The following ITPR1 variants were observed in gnomAD, a reference collection of about 807,000 sequenced individuals.
ITPR1 encodes inositol 1,4,5-trisphosphate receptor type 1, also known as inositol 1,4,5-trisphosphate-gated calcium channel ITPR1.
ITPR1 carries 96 observed loss-of-function variants against 318.4 expected under a neutral mutation model. That is an observed-to-expected ratio of 0.30 (90% CI 0.26 to 0.36). The LOEUF is 0.36. Ranked by LOEUF, ITPR1 falls within the 10% of genes least tolerant of loss-of-function variation. The pLI, the probability that ITPR1 is intolerant of heterozygous loss-of-function variation, is 1.00. For synonymous variants in ITPR1, 1,312 were observed against 1,289.9 expected (o/e 1.02, Z -0.37); for missense variants, 2,440 against 3,460.2 (o/e 0.71, Z 7.40).
intron 42 of ITPR1, among the ~76,000 whole-genome samples, 185 bp from the exon 43 acceptor site, chr3:4,732,903 A>G (rs1195977383): frequency 1.3e-5 from 2 of 152,238 alleles, no homozygotes; most frequent in East Asian, 1.9e-4. Context: ...TTTAAAAAAC[A>G]TCTGGTTTTC....
intron 33 of ITPR1, among the ~76,000 whole-genome samples, chr3:4,696,051 T>C (rs2094552802): frequency 6.6e-6 from 1 of 152,252 alleles, no homozygotes; most frequent in Non-Finnish European, 1.5e-5. Flanking sequence ...AGATCCTTTA[T>C]TATTTTTTTC....
intron 61 of ITPR1, among the ~76,000 whole-genome samples, chr3:4,841,929 T>A (rs1440753251): frequency 1.3e-5 from 2 of 152,214 alleles, no homozygotes; most frequent in Non-Finnish European, 2.9e-5. Context: ...CATGACTGAT[T>A]TTATAGGGCT....
At chr3:4,624,169 T>C (rs1286461064) in intron 4 of ITPR1, among the ~76,000 whole-genome samples, 1 of 152,226 alleles carries the variant, frequency 6.6e-6, no homozygotes, top group African/African-American at 2.4e-5. Flanking sequence ...CTTAGTGTCA[T>C]CATATGAAGC....
chr3:4,664,332 T>G (rs991950766), intron 16 of ITPR1, among the ~76,000 whole-genome samples: 4 of 152,146 alleles, frequency 2.6e-5, no homozygotes, highest in African/African-American at 9.7e-5. Context: ...CCAGAGTAGA[T>G]TAAATGCACA....
chr3:4,612,407 G>A (rs1484874315), intron 4 of ITPR1, among the ~76,000 whole-genome samples: 1 of 152,072 alleles, frequency 6.6e-6, no homozygotes, highest in Non-Finnish European at 1.5e-5. Context: ...GGAATCCAAG[G>A]GGTGTCCTGG....
At chr3:4,733,601 A>T (rs1375244157) in intron 43 of ITPR1, among the ~76,000 whole-genome samples, 2 of 152,322 alleles carry the variant, frequency 1.3e-5, no homozygotes, top group Non-Finnish European at 2.9e-5. Flanking sequence ...CATTTATTAT[A>T]CATTTACTGA....
intron 33 of ITPR1, among the ~76,000 whole-genome samples, chr3:4,695,451 A>C (rs368886055): frequency 2.0e-4 from 30 of 152,320 alleles, no homozygotes; most frequent in African/African-American, 7.0e-4. Flanking sequence ...TCAGTTGTAT[A>C]CTGCAAGAAC....
chr3:4,740,270 A>G (rs998173136), intron 44 of ITPR1, among the ~76,000 whole-genome samples: 1 of 152,104 alleles, frequency 6.6e-6, no homozygotes, highest in East Asian at 1.9e-4. Context: ...GGAAAGGGAG[A>G]CACCATTGTC....
chr3:4,565,282 G>C (rs2087110462), intron 4 of ITPR1, among the ~76,000 whole-genome samples: 1 of 152,162 alleles, frequency 6.6e-6, no homozygotes, highest in Admixed American at 6.5e-5. Flanking sequence ...CTTACTGCTA[G>C]AGTTGATAGA....
chr3:4,715,078 T>G (rs1287752896), intron 39 of ITPR1, among the ~76,000 whole-genome samples: 1 of 152,208 alleles, frequency 6.6e-6, no homozygotes, highest in Non-Finnish European at 1.5e-5. Flanking sequence ...CATTAACTAT[T>G]TTATACGCAA....
chr3:4,539,718 A>T (rs1197571766), intron 4 of ITPR1, among the ~76,000 whole-genome samples: 1 of 152,172 alleles, frequency 6.6e-6, no homozygotes, highest in Admixed American at 6.5e-5. Context: ...TTAATGAGTT[A>T]TCATGGAAAG....
chr3:4,780,184 G>A (rs2046736849), intron 49 of ITPR1, among the ~76,000 whole-genome samples: 1 of 152,128 alleles, frequency 6.6e-6, no homozygotes, highest in South Asian at 2.1e-4. Flanking sequence ...GAAGATTCAT[G>A]TCAAGCCCTA....
intron 12 of ITPR1, among the ~76,000 whole-genome samples, chr3:4,655,832 T>G (rs1424817165): frequency 6.6e-6 from 1 of 152,082 alleles, no homozygotes; most frequent in Non-Finnish European, 1.5e-5. Flanking sequence ...GAGGGGTGCA[T>G]GGAGAGGGGA....
chr3:4,754,794 T>C (rs2125352906), intron 44 of ITPR1, among the ~76,000 whole-genome samples: 1 of 152,330 alleles, frequency 6.6e-6, no homozygotes, highest in East Asian at 1.9e-4. Flanking sequence ...CACAGTCCCC[T>C]TCCACTTCAG....
At chr3:4,814,593 A>AC in intron 58 of ITPR1, 31 bp downstream of exon 58, 13 of 893,284 alleles carry the variant, frequency 1.5e-5, no homozygotes, top group African/African-American at 1.8e-5. Flanking sequence ...AGGAAGGGCA[A>AC]AGGGGGCGGG....
chr3:4,724,059 T>A (rs1040042070), intron 40 of ITPR1, among the ~76,000 whole-genome samples: 19 of 152,334 alleles, frequency 1.2e-4, no homozygotes, highest in African/African-American at 4.6e-4. Context: ...GCTCTGCTTT[T>A]ACTTTCCTTC....
chr3:4,511,336 A>G (rs965554817), intron 2 of ITPR1, among the ~76,000 whole-genome samples: 5 of 151,734 alleles, frequency 3.3e-5, no homozygotes, highest in African/African-American at 4.8e-5. Context: ...TCAGGGAGCA[A>G]TTTCAATAGA....
intron 32 of ITPR1, among the ~76,000 whole-genome samples, chr3:4,692,273 A>G (rs2094492482): frequency 8.3e-6 from 1 of 120,866 alleles, no homozygotes; most frequent in Admixed American, 8.1e-5. Flanking sequence ...TTTCTATAAC[A>G]TGAAGATACG....
chr3:4,506,429 T>C (rs2081398921), intron 2 of ITPR1, among the ~76,000 whole-genome samples: 1 of 152,214 alleles, frequency 6.6e-6, no homozygotes, highest in Non-Finnish European at 1.5e-5. Context: ...GACTTTCAGG[T>C]CTTCGCTTAA....
Sources: gnomAD v4.1 joint callset for allele counts (sites outside exome capture counted in the v4.1 genomes callset) on GRCh38, gnomAD v4.1.1 for gene constraint, MANE v1.5 for transcripts, NCBI Gene and HGNC (gene_info 2026-07-23, HGNC 2026-07-21) for gene names.